Variants in BICDL1 observed in about 807,000 individuals in gnomAD.
BICDL1 encodes the protein BICD family-like cargo adapter 1.
A neutral mutation model predicts 76.8 loss-of-function variants in BICDL1; 20 were observed. The ratio of observed to expected loss-of-function variants is 0.26; its 90% CI spans 0.18 to 0.38. The LOEUF (loss-of-function observed/expected upper bound fraction) is 0.38, where lower values mean the gene tolerates loss of function less well. Ranked by LOEUF, BICDL1 falls within the 10% of genes least tolerant of loss-of-function variation. The pLI, the probability that BICDL1 is intolerant of heterozygous loss-of-function variation, is 1.00. For missense variants in BICDL1, 700 were observed against 798.6 expected (o/e 0.88, Z 1.49); for synonymous variants, 383 against 337.1 (o/e 1.14, Z -1.49).
chr12:120,091,533 C>G, intron 9 of BICDL1: 1 of 985,420 alleles, frequency 1.0e-6, no homozygotes, highest in South Asian at 4.7e-5. Context: ...CGTGTGTTGG[C>G]AAATACCTGG....
chr12:120,057,815 CTGCT>C (rs1953008228), intron 2 of BICDL1, among the ~76,000 whole-genome samples: 1 of 135,790 alleles, frequency 7.4e-6, no homozygotes, highest in African/African-American at 3.0e-5. Flanking sequence ...CCAGCGATTC[CTGCT>C]TTTTTTTTTT....
At chr12:120,013,059 C>T (rs1415620355) in intron 2 of BICDL1, among the ~76,000 whole-genome samples, 1 of 151,776 alleles carries the variant, frequency 6.6e-6, no homozygotes, top group Non-Finnish European at 1.5e-5. Flanking sequence ...GCCTGTAATC[C>T]CAGCACTTTG....
At chr12:120,021,608 A>AC (rs1412527792) in intron 2 of BICDL1, among the ~76,000 whole-genome samples, 3 of 146,066 alleles carry the variant, frequency 2.1e-5, no homozygotes, top group Admixed American at 1.4e-4. Flanking sequence ...AAAAAAAAAA[A>AC]AAGAGAATCA....
chr12:120,040,746 A>G (rs867900833), intron 2 of BICDL1, among the ~76,000 whole-genome samples: 26 of 128,272 alleles, frequency 2.0e-4, no homozygotes, highest in African/African-American at 9.9e-4. Flanking sequence ...ATTTAATAGG[A>G]AATACTTTTT....
Position 120,035,503 on chromosome 12 carries a change from C to T in BICDL1, c.646-26207C>T, listed in dbSNP as rs966010047. Among the ~76,000 whole-genome samples the T allele has an allele frequency of 5.3e-5, 8 of 152,222 alleles. No individual in the cohort carries two copies. The East Asian group carries it at 1.5e-3, about 29-fold the overall frequency. On this transcript the variant is annotated intron_variant, in intron 2 of 9. Coordinates refer to ENST00000548673, the MANE Select transcript of BICDL1 (RefSeq NM_001367886.1). ...AGCTCAGAGATGCTAAATTTATCAC[C>T]TAAGGTCACCACATATAGTGAACAA...
At chr12:120,085,916 T>G (rs1594217551) in intron 8 of BICDL1, among the ~76,000 whole-genome samples, 1 of 135,406 alleles carries the variant, frequency 7.4e-6, no homozygotes, top group African/African-American at 2.8e-5. Context: ...GCATGGAAGG[T>G]GGGATGGAAG....
In BICDL1 at chr12:120,071,204, G is replaced by A. The variant is rs1000796033; in HGVS notation, c.910-418G>A. Among the ~76,000 whole-genome samples, 2 of 151,522 alleles carry A rather than the reference G, an allele frequency of 1.3e-5. No homozygotes were observed. The highest frequency in any genetic ancestry group is 1.9e-4 in the East Asian group (1 of 5,144). ...GTCACCCAGGTTGGAGTGCAATGGCGTGATCTTAGCTCATTGCAACGTCCG... is the reference window on the plus strand; with the variant it reads ...GTCACCCAGGTTGGAGTGCAATGGCATGATCTTAGCTCATTGCAACGTCCG... On this transcript the variant is annotated intron_variant, in intron 4 of 9. Coordinates refer to ENST00000548673, the MANE Select transcript of BICDL1 (RefSeq NM_001367886.1). This position sits in a 1 kb window ranked among gnomAD's most constrained non-coding sequence, Gnocchi z 4.8.
chr12:120,086,006 A>T lies in BICDL1; in HGVS notation c.1584-3945A>T, dbSNP rs573041612. ...TCCAGTCTTTCTCCCTTTAAAAAAA[A>T]AAAAAAAAAAAAGTAAAACCTAGCT... On this transcript the variant is annotated intron_variant, in intron 8 of 9. Coordinates refer to ENST00000548673, the MANE Select transcript of BICDL1 (RefSeq NM_001367886.1). Among the ~76,000 whole-genome samples, 584 of 151,524 alleles carry T rather than the reference A, an allele frequency of 3.9e-3. 7 individuals carry two copies. Among genetic ancestry groups the T allele is most frequent in the Non-Finnish European group, 4.3e-3 (289 of 67,880 alleles).
intron 2 of BICDL1, among the ~76,000 whole-genome samples, chr12:120,027,027 CTTTTT>C (rs10606114): frequency 2.5e-5 from 3 of 118,100 alleles, no homozygotes; most frequent in Non-Finnish European, 1.7e-5. Flanking sequence ...GATGTAATTT[CTTTTT>C]TTTTTTTTTT....
chr12:120,054,933 A>G (rs1243788464), intron 2 of BICDL1, among the ~76,000 whole-genome samples: 2 of 152,216 alleles, frequency 1.3e-5, no homozygotes, highest in African/African-American at 4.8e-5. Flanking sequence ...GTAAAAAATT[A>G]TAACAGTAGG....
At chr12:119,993,467 T>C (rs965646942) in intron 1 of BICDL1, 1 of 152,206 alleles carries the variant, frequency 6.6e-6, no homozygotes, top group African/African-American at 2.4e-5. Context: ...GGTTTAAAGG[T>C]TAACAGAAGT....
At chr12:120,045,660 A>G (rs1447418845) in intron 2 of BICDL1, among the ~76,000 whole-genome samples, 1 of 151,556 alleles carries the variant, frequency 6.6e-6, no homozygotes, top group Non-Finnish European at 1.5e-5. Flanking sequence ...TCAGTAAACT[A>G]TCGCAAGAAC....
rs199598597 is a variant in BICDL1, at chr12:120,003,141, G to GT, written c.645+4405_645+4406insT. Among the ~76,000 whole-genome samples the GT allele has an allele frequency of 8.0e-3, 1,131 of 140,708 alleles. 12 individuals carry two copies. The highest frequency in any genetic ancestry group is 0.027 in the African/African-American group (1,032 of 37,782). The allele number at this position is 140,708 out of a possible 152,430, so 92.3% of individuals were successfully genotyped here. Reference sequence around the variant, plus strand: ...CCACTGCACTCCAGCCTGGGCAACAGAGCAAGACCCCATCTTTAAAAAAAA... The same window carrying GT: ...CCACTGCACTCCAGCCTGGGCAACAGTAGCAAGACCCCATCTTTAAAAAAAA... On this transcript the variant is annotated intron_variant, in intron 2 of 9. Coordinates refer to ENST00000548673, the MANE Select transcript of BICDL1 (RefSeq NM_001367886.1).
intron 2 of BICDL1, among the ~76,000 whole-genome samples, chr12:120,003,172 A>AC (rs978502421): frequency 6.6e-6 from 1 of 151,600 alleles, no homozygotes; most frequent in Non-Finnish European, 1.5e-5. Context: ...AAAAAAAAAA[A>AC]AAAACAGTCG....
At chr12:119,993,950 TTTC>T (rs1436982777) in intron 1 of BICDL1, among the ~76,000 whole-genome samples, 7 of 152,230 alleles carry the variant, frequency 4.6e-5, no homozygotes, top group African/African-American at 1.7e-4. Context: ...TTTTTAAAAA[TTTC>T]TTTTCATCTA....
chr12:119,998,154 T>A (rs1162067973), intron 1 of BICDL1, among the ~76,000 whole-genome samples: 1 of 152,000 alleles, frequency 6.6e-6, no homozygotes, highest in African/African-American at 2.4e-5. Context: ...CTCAAAAAAA[T>A]CAAAAAGGAT....
intron 5 of BICDL1, 140 bp from the exon 6 acceptor site, chr12:120,072,371 A>G: frequency 1.4e-6 from 1 of 735,794 alleles, no homozygotes; most frequent in South Asian, 1.8e-5. Context: ...ATGAGTTAAA[A>G]AAAAAACACA....
chr12:120,088,796 AGCTGGGACTACAGGCACCT>A (rs1388868303), intron 8 of BICDL1, among the ~76,000 whole-genome samples: 7 of 152,252 alleles, frequency 4.6e-5, no homozygotes, highest in Non-Finnish European at 8.8e-5. Flanking sequence ...CCTCGCCAGT[AGCTGGGACTACAGGCACCT>A]GCCGCCATGC....
intron 2 of BICDL1, among the ~76,000 whole-genome samples, chr12:119,999,172 T>G (rs1951712237): frequency 6.6e-6 from 1 of 152,060 alleles, no homozygotes; most frequent in Non-Finnish European, 1.5e-5. Context: ...CAAAGTTCAG[T>G]ATTTCTATCT....
Sources: allele counts gnomAD v4.1 joint callset (sites outside exome capture counted in the v4.1 genomes callset), GRCh38; gene constraint gnomAD v4.1.1; non-coding constraint Gnocchi (gnomAD v3.1); transcripts MANE v1.5; gene names NCBI Gene and HGNC (gene_info 2026-07-23, HGNC 2026-07-21).